RGS6: variants seen among roughly 807,000 people sequenced by gnomAD.
RGS6 encodes regulator of G-protein signaling 6.
RGS6 carries 30 observed loss-of-function variants against 78.5 expected under a neutral mutation model. The ratio of observed to expected loss-of-function variants is 0.38; its 90% confidence interval spans 0.29 to 0.52. The LOEUF (loss-of-function observed/expected upper bound fraction) is 0.52, where lower values mean the gene tolerates loss of function less well. RGS6 is among the 20% of genes least tolerant of loss of function. The pLI is 0.85. For missense variants in RGS6, 495 were observed against 609.7 expected, an observed-to-expected ratio of 0.81 and a Z score of 1.98; for synonymous variants, 206 against 206.0, an observed-to-expected ratio of 1.00 and a Z score of 0.00.
intron 3 of RGS6, among the ~76,000 whole-genome samples, chr14:72,438,986 G>T (rs535020853): frequency 6.6e-6 from 1 of 152,200 alleles, no homozygotes; most frequent in Non-Finnish European, 1.5e-5. Context: ...GGCCTTGGCT[G>T]TTCCTCTGAT....
At chr14:72,628,804 A>G in the RGS6 span, among the ~76,000 whole-genome samples, 4 of 152,248 alleles carry the variant, frequency 2.6e-5, no homozygotes, top group Non-Finnish European at 5.9e-5. Context: ...AGATATACTC[A>G]GTCAAATACA....
the RGS6 span, among the ~76,000 whole-genome samples, chr14:72,620,710 A>G: frequency 6.6e-6 from 1 of 152,052 alleles, no homozygotes; most frequent in Admixed American, 6.6e-5. Context: ...CTTCTTTTCC[A>G]CAAAGTCTTT....
At chr14:72,382,203 A>G (rs754365507) in intron 3 of RGS6, among the ~76,000 whole-genome samples, 1 of 152,180 alleles carries the variant, frequency 6.6e-6, no homozygotes, top group Non-Finnish European at 1.5e-5. Flanking sequence ...ACACACCAAC[A>G]AAGCATTAGA....
intron 2 of RGS6, among the ~76,000 whole-genome samples, chr14:72,086,788 G>A (rs557907705): frequency 6.6e-6 from 1 of 152,316 alleles, no homozygotes; most frequent in South Asian, 2.1e-4. Flanking sequence ...TAAGTGGCTG[G>A]AAACCTAAAG....
intron 2 of RGS6, among the ~76,000 whole-genome samples, chr14:72,350,699 A>G (rs969293336): frequency 6.6e-6 from 1 of 152,172 alleles, no homozygotes; most frequent in Non-Finnish European, 1.5e-5. Context: ...ATGACAGAGA[A>G]ATAACCTTTG....
intron 14 of RGS6, 35 bp from the exon 15 acceptor site, chr14:72,518,316 C>T (rs1302639769): frequency 1.9e-6 from 3 of 1,601,682 alleles, no homozygotes; most frequent in Non-Finnish European, 1.7e-6. Context: ...ATGCTGAGCC[C>T]CCTGGAACTG....
chr14:72,287,590 G>A (rs1008243600), intron 2 of RGS6, among the ~76,000 whole-genome samples: 1 of 152,116 alleles, frequency 6.6e-6, no homozygotes, highest in African/African-American at 2.4e-5. Context: ...CCAAGTAGCT[G>A]GGACTATAGG....
intron 1 of RGS6, among the ~76,000 whole-genome samples, chr14:71,955,200 G>A (rs893196872): frequency 2.6e-5 from 4 of 152,178 alleles, no homozygotes; most frequent in African/African-American, 4.8e-5. Context: ...CTGTGTCTTG[G>A]AAGTCTTTTA....
At chr14:72,463,003 T>C (rs750485166) in intron 6 of RGS6, among the ~76,000 whole-genome samples, 1 of 152,212 alleles carries the variant, frequency 6.6e-6, no homozygotes, top group Non-Finnish European at 1.5e-5. Flanking sequence ...CTTCAGTACA[T>C]TGAAACTCGA....
intron 2 of RGS6, among the ~76,000 whole-genome samples, chr14:72,176,917 A>T (rs2097112198): frequency 1.3e-5 from 2 of 152,178 alleles, no homozygotes; most frequent in South Asian, 2.1e-4. Flanking sequence ...TCTCCCCAAG[A>T]TAACCATTAT....
chr14:72,551,537 C>T (rs2097506823), intron 17 of RGS6, among the ~76,000 whole-genome samples: 1 of 152,200 alleles, frequency 6.6e-6, no homozygotes, highest in Non-Finnish European at 1.5e-5. Flanking sequence ...CCATCCACTA[C>T]TGAAGGTGGC....
At chr14:72,614,368 G>A in the RGS6 span, among the ~76,000 whole-genome samples, 158 of 152,326 alleles carry the variant, frequency 1.0e-3, 1 homozygote, top group Non-Finnish European at 1.7e-3. Context: ...ATACTTTGGG[G>A]ATGGGAGTAA....
At chr14:72,371,617 C>T (rs1349784638) in intron 3 of RGS6, among the ~76,000 whole-genome samples, 1 of 152,036 alleles carries the variant, frequency 6.6e-6, no homozygotes, top group Non-Finnish European at 1.5e-5. Context: ...CAAAATTAGC[C>T]AGTCATGGTG....
chr14:71,933,249 G>A (rs982411202), intron 1 of RGS6: 3 of 152,296 alleles, frequency 2.0e-5, no homozygotes, highest in African/African-American at 7.2e-5. Context: ...GGGGACGAGA[G>A]CGCAGAGGAT....
At chr14:72,176,681 G>T (rs8004977) in intron 2 of RGS6, among the ~76,000 whole-genome samples, 54,157 of 152,078 alleles carry the variant, frequency 0.36, 9,772 homozygotes, top group Middle Eastern at 0.43. Flanking sequence ...ATGAGTTCAT[G>T]AAAATATTTG....
chr14:72,192,973 G>A (rs2097345891), intron 2 of RGS6, among the ~76,000 whole-genome samples: 1 of 145,520 alleles, frequency 6.9e-6, no homozygotes, highest in Admixed American at 7.0e-5. Context: ...CTTTGCTGCT[G>A]GGTTGGGTTT....
the RGS6 span, among the ~76,000 whole-genome samples, chr14:72,583,749 A>G: frequency 6.6e-6 from 1 of 152,178 alleles, no homozygotes; most frequent in Non-Finnish European, 1.5e-5. Flanking sequence ...GATGTGTTCA[A>G]TGCAATGCTG....
At chr14:72,483,729 C>T (rs991947135) in intron 12 of RGS6, among the ~76,000 whole-genome samples, 1 of 151,890 alleles carries the variant, frequency 6.6e-6, no homozygotes, top group Non-Finnish European at 1.5e-5. Context: ...AAAAAAAGAC[C>T]GGAGGTATCA....
the RGS6 span, among the ~76,000 whole-genome samples, chr14:71,890,954 T>A: frequency 3.9e-4 from 60 of 152,226 alleles, no homozygotes; most frequent in African/African-American, 1.4e-3. Context: ...TCTGGGAAAA[T>A]GAAATGTGAG....
Sources: gnomAD v4.1 joint callset for allele counts (sites outside exome capture counted in the v4.1 genomes callset) on GRCh38, gnomAD v4.1.1 for gene constraint, MANE v1.5 for transcripts, NCBI Gene and HGNC (gene_info 2026-07-23, HGNC 2026-07-21) for gene names.